Variants in TXLNB observed in about 807,000 individuals in gnomAD.
The protein encoded by TXLNB is taxilin beta, also known as beta-taxilin.
TXLNB carries 37 observed loss-of-function variants against 57.4 expected under a neutral mutation model. The observed-to-expected ratio is 0.64, with a 90% CI of 0.50 to 0.85. The LOEUF (loss-of-function observed/expected upper bound fraction) is 0.85, where lower values mean the gene tolerates loss of function less well. Among genes scored for constraint, TXLNB ranks in the 40% least tolerant of loss-of-function variants. The pLI is 0.00. For missense variants in TXLNB, 848 were observed against 825.6 expected (o/e 1.03, Z -0.33); for synonymous variants, 302 against 309.6 (o/e 0.98, Z 0.26).
At chr6:139,321,317 A>T in the TXLNB span, among the ~76,000 whole-genome samples, 2 of 152,172 alleles carry the variant, frequency 1.3e-5, no homozygotes, top group Non-Finnish European at 2.9e-5. Flanking sequence ...CTTACAAAAG[A>T]GGCTCCAGAG....
chr6:139,244,785 G>A, intron 8 of TXLNB, 95 bp from the exon 9 acceptor site: 1 of 775,832 alleles, frequency 1.3e-6, no homozygotes, highest in Non-Finnish European at 2.2e-6. Context: ...AAGCCCTTTT[G>A]TTACCAGATG....
the TXLNB span, among the ~76,000 whole-genome samples, chr6:139,216,647 A>T: frequency 6.6e-6 from 1 of 152,194 alleles, no homozygotes. Context: ...TAAAAAAAGA[A>T]AATGTGGTAT....
chr6:139,323,505 G>C, the TXLNB span, among the ~76,000 whole-genome samples: 2 of 152,114 alleles, frequency 1.3e-5, no homozygotes, highest in African/African-American at 2.4e-5. Flanking sequence ...GGATGGTCTC[G>C]ATCTCCTGAC....
chr6:139,265,920 C>G (rs947772752), intron 4 of TXLNB, among the ~76,000 whole-genome samples: 1 of 152,012 alleles, frequency 6.6e-6, no homozygotes, highest in African/African-American at 2.4e-5. Context: ...GGGAAGATCA[C>G]CCAAAAAAAG....
upstream of TXLNB, among the ~76,000 whole-genome samples, chr6:139,293,883 C>T (rs898810723): frequency 3.9e-5 from 6 of 152,262 alleles, no homozygotes; most frequent in Admixed American, 1.3e-4. Context: ...TTAATGAATA[C>T]TTGGTGAGTG....
At chr6:139,180,435 T>A in the TXLNB span, 1 of 152,666 alleles carries the variant, frequency 6.6e-6, no homozygotes, top group Non-Finnish European at 1.5e-5. Context: ...TGGTAGCAGC[T>A]GTTGAGTAAC....
Position 139,284,241 on chromosome 6 carries a change from C to T in TXLNB, c.424+4235G>A, listed in dbSNP as rs181335314. ...TAAAGACTAGGCATTAATAAATACT[C>T]ATTGTGGGCCGGGTGCGGTGGCTCA... On this transcript the variant is annotated intron_variant, in intron 2 of 9. Coordinates refer to ENST00000358430, the MANE Select transcript of TXLNB (RefSeq NM_153235.4). Among the ~76,000 whole-genome samples the T allele has an allele frequency of 2.1e-5, 3 of 145,474 alleles. 1 individual carries two copies. Among genetic ancestry groups the T allele is most frequent in the African/African-American group, 7.6e-5 (3 of 39,514 alleles).
At chr6:139,235,134 G>A (rs140592756), downstream of TXLNB, among the ~76,000 whole-genome samples, 55 of 152,268 alleles carry the variant, frequency 3.6e-4, no homozygotes, top group African/African-American at 1.2e-3. Context: ...TGTGCCCACA[G>A]ACCTAGGTGA....
At chr6:139,305,677 T>C in the TXLNB span, among the ~76,000 whole-genome samples, 3 of 152,176 alleles carry the variant, frequency 2.0e-5, no homozygotes, top group African/African-American at 4.8e-5. Flanking sequence ...TATAGGAAGA[T>C]AGAAGAATTA....
chr6:139,175,271 T>C, the TXLNB span, among the ~76,000 whole-genome samples: 1 of 152,260 alleles, frequency 6.6e-6, no homozygotes, highest in African/African-American at 2.4e-5. Context: ...AGGTAATTCC[T>C]TGATACTCTC....
intron 4 of TXLNB, among the ~76,000 whole-genome samples, chr6:139,266,319 T>A (rs1237192543): frequency 1.3e-5 from 2 of 152,148 alleles, no homozygotes; most frequent in Non-Finnish European, 2.9e-5. Context: ...ACAGGTATTA[T>A]AACTATGGTC....
rs1775909062 is a variant in TXLNB at position 139,240,556 on chromosome 6, G to A, written c.*1970C>T. On this transcript the variant is annotated 3_prime_UTR_variant, in exon 10 of 10. Coordinates refer to ENST00000358430, the MANE Select transcript of TXLNB (RefSeq NM_153235.4). ...TTGGACGTTCTGCCTCTGCAGTGGG[G>A]AAGGAGACCCTCCTGGATTATGGTG... 6.6e-6 allele frequency: 1 copy of A among 152,658 alleles called. No individual in the cohort carries two copies. The highest frequency in any genetic ancestry group is 2.4e-5 in the African/African-American group (1 of 41,456). 9.5% of individuals were successfully genotyped at this position (152,658 alleles called of 1,614,324 possible). A position where few individuals can be genotyped will look rare whatever the true frequency, so the allele number is the denominator to read the frequency against.
the TXLNB span, among the ~76,000 whole-genome samples, chr6:139,185,217 G>C: frequency 6.6e-6 from 1 of 152,036 alleles, no homozygotes; most frequent in Non-Finnish European, 1.5e-5. Context: ...AGATCACAAA[G>C]TTACCCACCA....
chr6:139,288,963 A>T lies in TXLNB; in HGVS notation c.-14-50T>A, dbSNP rs886422193. On this transcript the variant is annotated intron_variant, in intron 1 of 9. Coordinates refer to ENST00000358430, the MANE Select transcript of TXLNB (RefSeq NM_153235.4). ...TATGTAGCTAACCTACTTGCTACAT[A>T]TCAATGCTACATTTCAATGGTAAGG... 8.2e-6 allele frequency: 11 copies of T among 1,342,726 alleles called. No individual in the cohort carries two copies. The African/African-American group carries it at 8.7e-5, about 11-fold the overall frequency. 83.2% of individuals were successfully genotyped at this position (1,342,726 alleles called of 1,614,324 possible).
chr6:139,195,596 C>T, the TXLNB span, among the ~76,000 whole-genome samples: 5 of 152,206 alleles, frequency 3.3e-5, no homozygotes, highest in Admixed American at 1.3e-4. Flanking sequence ...GACAGATTTA[C>T]ATGAGGTCCA....
chr6:139,254,272 T>G (rs1411533797), intron 7 of TXLNB, among the ~76,000 whole-genome samples: 1 of 152,202 alleles, frequency 6.6e-6, no homozygotes, highest in Non-Finnish European at 1.5e-5. Flanking sequence ...AATCTGTGAT[T>G]TTAAATTTCT....
At chr6:139,188,610 AAGAG>A in the TXLNB span, among the ~76,000 whole-genome samples, 172 of 152,322 alleles carry the variant, frequency 1.1e-3, no homozygotes, top group African/African-American at 4.1e-3. Context: ...AAATTTCTGA[AAGAG>A]AAATTTCACT....
At chr6:139,160,036 G>A in the TXLNB span, among the ~76,000 whole-genome samples, 2 of 152,200 alleles carry the variant, frequency 1.3e-5, no homozygotes, top group Non-Finnish European at 2.9e-5. Context: ...GTTCTCAAGT[G>A]AGGGCAGGAT....
At chr6:139,220,939 C>T in the TXLNB span, among the ~76,000 whole-genome samples, 1 of 152,106 alleles carries the variant, frequency 6.6e-6, no homozygotes, top group African/African-American at 2.4e-5. Flanking sequence ...AAGAGACAAG[C>T]TGGATGGGAA....
Sources: gnomAD v4.1 joint callset for allele counts (sites outside exome capture counted in the v4.1 genomes callset) on GRCh38, gnomAD v4.1.1 for gene constraint, MANE v1.5 for transcripts, NCBI Gene and HGNC (gene_info 2026-07-23, HGNC 2026-07-21) for gene names.